The following DMD variants were observed in gnomAD, a reference collection of about 807,000 sequenced individuals.
DMD encodes mutant dystrophin.
DMD carries 63 observed loss-of-function variants against 330.1 expected under a neutral mutation model. The ratio of observed to expected loss-of-function variants is 0.19; its 90% CI spans 0.16 to 0.24. The LOEUF is 0.24. Among genes scored for constraint, DMD ranks in the 10% least tolerant of loss-of-function variants. DMD has a pLI of 1.00. For missense variants in DMD, 3,344 were observed against 2,684.1 expected (o/e 1.25, Z -5.43); for synonymous variants, 1,223 against 959.8 (o/e 1.27, Z -5.07).
intron 7 of DMD, among the ~76,000 whole-genome samples, chrX:32,708,977 A>G (rs188222148): frequency 6.1e-4 from 69 of 112,225 alleles, no homozygotes; most frequent in African/African-American, 1.9e-3. Flanking sequence ...CAGTGGACGA[A>G]CATCACGCAT....
At chrX:32,396,877 T>A (rs2098048166) in intron 30 of DMD, among the ~76,000 whole-genome samples, 1 of 111,451 alleles carries the variant, frequency 9.0e-6, no homozygotes, top group Admixed American at 9.6e-5. Flanking sequence ...TACCAGCTAC[T>A]TTACCTAACC....
At position 32,863,884 on chromosome X, in the gene DMD, T is replaced by C. The variant is rs371991093; in HGVS notation, c.94-14064A>G. ...TGGGAAGTCATCCTTGGTTTATTCA[T>C]TCTTTCTTCTTCCATGCCTGTAAGG... is the stretch of plus-strand genomic sequence containing the variant. On this transcript the variant is annotated intron_variant, in intron 2 of 78. Coordinates refer to ENST00000357033, the MANE Select transcript of DMD (RefSeq NM_004006.3). Among the ~76,000 whole-genome samples, 8 of 112,301 alleles carry C rather than the reference T, an allele frequency of 7.1e-5. No individual in the cohort carries two copies. In the South Asian group the frequency reaches 2.9e-3, roughly 41 times the overall value.
At chrX:31,752,114 TG>T (rs1175291614) in intron 51 of DMD, among the ~76,000 whole-genome samples, 1 of 111,963 alleles carries the variant, frequency 8.9e-6, no homozygotes, top group East Asian at 2.8e-4. Flanking sequence ...TTGGGCGCAC[TG>T]GGGTAACCCA....
intron 1 of DMD, among the ~76,000 whole-genome samples, chrX:33,248,906 T>G (rs1226151165): frequency 8.9e-6 from 1 of 112,237 alleles, no homozygotes; most frequent in Non-Finnish European, 1.9e-5. Flanking sequence ...TTAAAATTAT[T>G]TTTGGTATAT....
At chrX:33,032,232 C>A (rs961650424) in intron 1 of DMD, among the ~76,000 whole-genome samples, 4 of 111,853 alleles carry the variant, frequency 3.6e-5, no homozygotes, top group African/African-American at 1.3e-4. Flanking sequence ...CTTGGTCCTT[C>A]CTCCCTTTGT....
At chrX:32,088,011 C>A (rs1232939624) in intron 44 of DMD, among the ~76,000 whole-genome samples, 1 of 112,301 alleles carries the variant, frequency 8.9e-6, no homozygotes, top group Admixed American at 9.5e-5. Context: ...GGGAAATGTA[C>A]TGTATGTTAT....
chrX:31,337,568 T>C (rs2057476195), intron 61 of DMD, among the ~76,000 whole-genome samples: 1 of 112,412 alleles, frequency 8.9e-6, no homozygotes, highest in African/African-American at 3.2e-5. Flanking sequence ...CCCACAGGGA[T>C]GTGATCCCAC....
chrX:31,917,276 G>T (rs1170921363), intron 47 of DMD, among the ~76,000 whole-genome samples: 4 of 111,866 alleles, frequency 3.6e-5, no homozygotes, highest in Non-Finnish European at 7.5e-5. Context: ...TGTGACTTAG[G>T]CAAAATGACA....
intron 67 of DMD, among the ~76,000 whole-genome samples, chrX:31,202,818 C>T: frequency 1.8e-5 from 2 of 112,281 alleles, no homozygotes; most frequent in Non-Finnish European, 3.8e-5. Context: ...AAGCATCTTA[C>T]TCCTTCAATA....
intron 1 of DMD, among the ~76,000 whole-genome samples, chrX:33,085,675 G>A (rs1251985641): frequency 8.9e-6 from 1 of 111,744 alleles, no homozygotes; most frequent in Non-Finnish European, 1.9e-5. Context: ...CTCCTTTCAA[G>A]TCAGATTTTC....
intron 67 of DMD, among the ~76,000 whole-genome samples, chrX:31,191,523 G>GCGCCGTTCT (rs201666408): frequency 0.027 from 2,993 of 110,984 alleles, 46 homozygotes; most frequent in Non-Finnish European, 0.041. Flanking sequence ...GGTCTTTCCT[G>GCGCCGTTCT]CGCCGTTCTC....
intron 19 of DMD, among the ~76,000 whole-genome samples, chrX:32,496,247 G>A (rs2043473381): frequency 9.0e-6 from 1 of 111,577 alleles, no homozygotes; most frequent in Admixed American, 9.6e-5. Flanking sequence ...TGAATTAAAA[G>A]AATATTTGGA....
At chrX:32,073,021 A>G (rs1490598240) in intron 44 of DMD, among the ~76,000 whole-genome samples, 1 of 112,236 alleles carries the variant, frequency 8.9e-6, no homozygotes, top group East Asian at 2.8e-4. Context: ...AAATAAGTGT[A>G]ATGGTTCCGG....
chrX:32,859,510 C>CACA (rs1557094215), intron 2 of DMD, among the ~76,000 whole-genome samples: 1 of 90,094 alleles, frequency 1.1e-5, no homozygotes, highest in African/African-American at 4.2e-5. Flanking sequence ...CACACACACA[C>CACA]AAGTTAAAGT....
Position 32,401,324 on chromosome X carries a change from A to T in DMD, c.4233+10428T>A, listed in dbSNP as rs780089888. 1.5e-4 allele frequency among the ~76,000 whole-genome samples: 16 copies of T among 103,465 alleles called. No individual in the cohort carries two copies. The South Asian group carries it at 6.1e-3, about 40-fold the overall frequency. 89.8% of individuals were successfully genotyped at this position (103,465 alleles called of 115,157 possible). ...TGTGCACATGTACCCTAAAACTTAA[A>T]GTATAATAATAAAAAAAAGAAAATA... On this transcript the variant is annotated intron_variant, in intron 30 of 78. Coordinates refer to ENST00000357033, the MANE Select transcript of DMD (RefSeq NM_004006.3).
At chrX:32,563,133 G>C (rs1256556420) in intron 16 of DMD, among the ~76,000 whole-genome samples, 1 of 110,038 alleles carries the variant, frequency 9.1e-6, no homozygotes, top group Non-Finnish European at 1.9e-5. Context: ...AAGGTCAGGA[G>C]ATCGAGACCA....
At chrX:31,228,123 G>A (rs2046821423) in intron 63 of DMD, among the ~76,000 whole-genome samples, 1 of 106,360 alleles carries the variant, frequency 9.4e-6, no homozygotes, top group South Asian at 4.2e-4. Context: ...GGGGGGAGTG[G>A]GGGGGATAGC....
At chrX:31,154,279 ATG>A (rs890265122) in intron 74 of DMD, among the ~76,000 whole-genome samples, 5 of 106,783 alleles carry the variant, frequency 4.7e-5, no homozygotes, top group African/African-American at 1.8e-4. Context: ...AGTTATTCTA[ATG>A]TTTTTTTTTT....
chrX:32,485,249 C>A (rs1005238199), intron 20 of DMD, 150 bp from the exon 21 acceptor site: 3 of 529,426 alleles, frequency 5.7e-6, no homozygotes, highest in South Asian at 2.8e-5. Flanking sequence ...TATAGACAAG[C>A]CTCTATCACC....
Sources: allele counts gnomAD v4.1 joint callset (sites outside exome capture counted in the v4.1 genomes callset), GRCh38; gene constraint gnomAD v4.1.1; transcripts MANE v1.5; gene names NCBI Gene and HGNC (gene_info 2026-07-23, HGNC 2026-07-21).